The following DAPK1 variants were observed in gnomAD, a reference collection of about 807,000 sequenced individuals.
The protein encoded by DAPK1 is death associated protein kinase 1.
Under a neutral mutation model 144.9 loss-of-function variants are expected in DAPK1, and 56 were observed. The observed-to-expected ratio is 0.39, with a 90% CI of 0.31 to 0.48. The LOEUF (loss-of-function observed/expected upper bound fraction) is 0.48, where lower values mean the gene tolerates loss of function less well. Ranked by LOEUF, DAPK1 falls within the 20% of genes least tolerant of loss-of-function variation. The pLI is 0.95. For missense variants in DAPK1, 1,454 were observed against 1,875.4 expected (o/e 0.78, Z 4.15); for synonymous variants, 690 against 749.0 (o/e 0.92, Z 1.29).
chr9:87,549,920 T>A (rs1271442710), intron 2 of DAPK1, among the ~76,000 whole-genome samples: 1 of 152,270 alleles, frequency 6.6e-6, no homozygotes, highest in Admixed American at 6.5e-5. Context: ...CATTACTTTA[T>A]GCATTTCAAA....
intron 2 of DAPK1, among the ~76,000 whole-genome samples, chr9:87,538,098 T>A (rs1012725133): frequency 1.3e-5 from 2 of 152,222 alleles, no homozygotes; most frequent in Admixed American, 6.5e-5. Flanking sequence ...TCAATGTCAT[T>A]GTTTAAATGA....
In DAPK1 at chr9:87,692,811, T is replaced by G. The variant is rs148584459; in HGVS notation, c.2414-4196T>G. Reference sequence around the variant, plus strand: ...TTCTCCTTCACTTATGAAGCATAACTTTGCTGTCTGTAGTATCCTTGGCTG... The same window carrying G: ...TTCTCCTTCACTTATGAAGCATAACGTTGCTGTCTGTAGTATCCTTGGCTG... On this transcript the variant is annotated intron_variant, in intron 21 of 25. Coordinates refer to ENST00000408954, the MANE Select transcript of DAPK1 (RefSeq NM_004938.4). Among the ~76,000 whole-genome samples the G allele has an allele frequency of 3.5e-3, 530 of 152,284 alleles. 4 individuals are homozygous for G. The highest frequency in any genetic ancestry group is 0.012 in the African/African-American group (497 of 41,576).
intron 3 of DAPK1, among the ~76,000 whole-genome samples, chr9:87,624,990 G>A (rs1264130220): frequency 1.3e-5 from 2 of 152,230 alleles, no homozygotes; most frequent in Non-Finnish European, 2.9e-5. Flanking sequence ...ACAAACTACA[G>A]CCGGTGGTCC....
intron 18 of DAPK1, among the ~76,000 whole-genome samples, chr9:87,667,521 C>T (rs1003769385): frequency 1.3e-5 from 2 of 152,162 alleles, no homozygotes; most frequent in African/African-American, 2.4e-5. Flanking sequence ...TTGCCTGGTG[C>T]AAAATGTCAG....
chr9:87,653,549 C>T (rs190708685), intron 17 of DAPK1, among the ~76,000 whole-genome samples: 3 of 152,064 alleles, frequency 2.0e-5, no homozygotes, highest in Non-Finnish European at 4.4e-5. Context: ...GCATGAGGCT[C>T]TGTAGAGGAA....
chr9:87,527,532 C>G (rs1302069894), intron 2 of DAPK1, among the ~76,000 whole-genome samples: 1 of 152,186 alleles, frequency 6.6e-6, no homozygotes, highest in East Asian at 1.9e-4. Flanking sequence ...AGAGCTTGCT[C>G]CTGCTGAGGT....
intron 2 of DAPK1, among the ~76,000 whole-genome samples, chr9:87,578,121 C>G (rs1418561950): frequency 6.6e-6 from 1 of 152,146 alleles, no homozygotes; most frequent in Non-Finnish European, 1.5e-5. Flanking sequence ...TTGAAAACAA[C>G]ATAGAAAACT....
chr9:87,613,996 G>A (rs67391197), intron 3 of DAPK1, among the ~76,000 whole-genome samples: 5,361 of 152,308 alleles, frequency 0.035, 177 homozygotes, highest in East Asian at 0.12. Flanking sequence ...TTAGGCAAGA[G>A]CAGAGAAGTA....
upstream of DAPK1, chr9:87,497,699 C>T (rs1423512880): frequency 1.0e-4 from 22 of 219,106 alleles, no homozygotes. Flanking sequence ...CCAGCGAGCC[C>T]GGAGCGCGGA....
chr9:87,700,419 G>C (rs754594956), intron 24 of DAPK1, among the ~76,000 whole-genome samples, 182 bp downstream of exon 24: 19 of 152,080 alleles, frequency 1.2e-4, no homozygotes, highest in Non-Finnish European at 2.4e-4. Flanking sequence ...GGAGCTGAAG[G>C]GTTATTATGG....
Position 87,706,124 on chromosome 9 carries a change from C to T in DAPK1, c.3061-8C>T, listed in dbSNP as rs1340381428. The T allele has an allele frequency of 6.4e-7, 1 of 1,573,978 alleles. No individual in the cohort carries two copies. The highest frequency in any genetic ancestry group is 8.7e-7 in the Non-Finnish European group (1 of 1,153,166). ...CCCTAAGCGTGACTTTCTGTTGTCC[C>T]CCCGCAGATCAACATCATGCAAAGT... On this transcript the variant is annotated splice_region_variant and splice_polypyrimidine_tract_variant and intron_variant, in intron 25 of 25. Transcript: ENST00000408954. This position sits in a 1 kb window ranked among gnomAD's most constrained non-coding sequence, Gnocchi z 9.0.
At chr9:87,584,229 A>G (rs527830123) in intron 2 of DAPK1, among the ~76,000 whole-genome samples, 1 of 152,206 alleles carries the variant, frequency 6.6e-6, no homozygotes, top group Non-Finnish European at 1.5e-5. Context: ...ATTTTTCAAG[A>G]ATACATTACA....
intron 16 of DAPK1, 119 bp downstream of exon 16, chr9:87,650,237 AC>A: frequency 1.1e-6 from 1 of 913,282 alleles, no homozygotes. Flanking sequence ...AACTGTAATT[AC>A]CCCGTCTCTT....
At chr9:87,543,004 C>T (rs1458472418) in intron 2 of DAPK1, among the ~76,000 whole-genome samples, 1 of 152,160 alleles carries the variant, frequency 6.6e-6, no homozygotes, top group Non-Finnish European at 1.5e-5. Context: ...CATTAGAAAA[C>T]AAATTTTTAT....
intron 2 of DAPK1, among the ~76,000 whole-genome samples, chr9:87,571,367 A>G (rs1265059609): frequency 2.0e-5 from 3 of 148,908 alleles, no homozygotes; most frequent in African/African-American, 7.4e-5. Flanking sequence ...CATGAGGGGA[A>G]CTTGGCTCTG....
chr9:87,647,557 C>G (rs1830313657), intron 14 of DAPK1, among the ~76,000 whole-genome samples, 154 bp downstream of exon 14: 1 of 152,192 alleles, frequency 6.6e-6, no homozygotes, highest in African/African-American at 2.4e-5. Context: ...GTCTTGTTGC[C>G]TGTGGTTTGG....
In DAPK1 at chr9:87,646,549, T is replaced by G; in HGVS notation, c.1220T>G (p.Val407Gly). Residue 407 changes from valine to glycine, a missense_variant, in exon 13 of 26, where the codon GTC becomes GGC. Val to Gly is a moderately radical substitution (Grantham distance 109). Coordinates refer to ENST00000408954, the MANE Select transcript of DAPK1 (RefSeq NM_004938.4). ...ATTAAAAGAGGCTCGAGAATCGATG[T>G]CCAGGATAAGGTCATAATTGTTTTA... Reference protein sequence around the residue: ...LLIKRGSRIDVQDKGGSNAVY... With the variant: ...LLIKRGSRIDGQDKGGSNAVY... The G allele has an allele frequency of 1.9e-6, 3 of 1,608,758 alleles. No individual in the cohort carries two copies. Among genetic ancestry groups the G allele is most frequent in the Non-Finnish European group, 2.6e-6 (3 of 1,175,092 alleles).
In DAPK1 at chr9:87,497,871, C is replaced by T. The variant is rs1050650212; in HGVS notation, c.-345C>T. Reference sequence around the variant, plus strand: ...GCGGCAAGGAGCCGAGAGGCTGCTTCGGAGTGTGAGGAGGACAGCCGGACC... The same window carrying T: ...GCGGCAAGGAGCCGAGAGGCTGCTTTGGAGTGTGAGGAGGACAGCCGGACC... On this transcript the variant is annotated 5_prime_UTR_variant, in exon 1 of 26. Transcript: ENST00000408954. 2 of 392,874 alleles carry T rather than the reference C, an allele frequency of 5.1e-6. No homozygotes were observed. Among genetic ancestry groups the T allele is most frequent in the Non-Finnish European group, 9.0e-6 (2 of 222,942 alleles). The allele number at this position is 392,874 out of a possible 1,614,324, so 24.3% of individuals were successfully genotyped here. A position where few individuals can be genotyped will look rare whatever the true frequency, so the allele number is the denominator to read the frequency against.
chr9:87,570,433 C>T (rs367915915), intron 2 of DAPK1, among the ~76,000 whole-genome samples: 2 of 152,274 alleles, frequency 1.3e-5, no homozygotes, highest in South Asian at 2.1e-4. Flanking sequence ...TGCCAGATGC[C>T]TCTTTTTATA....
Sources: gnomAD v4.1 joint callset for allele counts (sites outside exome capture counted in the v4.1 genomes callset) on GRCh38, gnomAD v4.1.1 for gene constraint, Gnocchi (gnomAD v3.1) non-coding constraint, MANE v1.5 for transcripts, NCBI Gene and HGNC (gene_info 2026-07-23, HGNC 2026-07-21) for gene names.